HHLA2: variants seen among roughly 807,000 people sequenced by gnomAD.
HHLA2 encodes HHLA2 member of B7 family.
In HHLA2, 48 loss-of-function variants were observed where a neutral mutation model predicts 45.9. The ratio of observed to expected loss-of-function variants is 1.05; its 90% CI spans 0.83 to 1.33. The LOEUF (loss-of-function observed/expected upper bound fraction) is 1.33. HHLA2 is among the 40% of genes most tolerant of loss of function. The pLI is 0.00. For synonymous variants in HHLA2, 161 were observed against 173.9 expected, an observed-to-expected ratio of 0.93 and a Z score of 0.59; for missense variants, 462 against 494.3, an observed-to-expected ratio of 0.93 and a Z score of 0.62.
chr3:108,365,585 G>A (rs1242318091), intron 8 of HHLA2, among the ~76,000 whole-genome samples: 1 of 152,134 alleles, frequency 6.6e-6, no homozygotes, highest in Non-Finnish European at 1.5e-5. Flanking sequence ...ATTACTTTGG[G>A]CAGTATGGCC....
chr3:108,330,867 G>T (rs1331575829), intron 3 of HHLA2, among the ~76,000 whole-genome samples: 1 of 152,112 alleles, frequency 6.6e-6, no homozygotes, highest in Non-Finnish European at 1.5e-5. Context: ...TAAACTTAGG[G>T]CATTTCGTTA....
intron 8 of HHLA2, among the ~76,000 whole-genome samples, chr3:108,363,191 T>C (rs925471194): frequency 6.6e-6 from 1 of 152,214 alleles, no homozygotes; most frequent in Non-Finnish European, 1.5e-5. Context: ...AATTTTGAGC[T>C]AGAGAGCATC....
chr3:108,316,766 G>T (rs531318362), intron 2 of HHLA2, among the ~76,000 whole-genome samples: 3 of 152,166 alleles, frequency 2.0e-5, no homozygotes, highest in Admixed American at 1.3e-4. Context: ...TTACTAAATC[G>T]CACGCTTTAG....
chr3:108,330,124 G>A (rs1163566474), intron 3 of HHLA2, among the ~76,000 whole-genome samples: 1 of 152,156 alleles, frequency 6.6e-6, no homozygotes, highest in African/African-American at 2.4e-5. Flanking sequence ...AAGAGTGAGT[G>A]ATCAGAGAGT....
At chr3:108,351,721 C>A in intron 3 of HHLA2, 67 bp from the exon 3 acceptor site, 2 of 898,652 alleles carry the variant, frequency 2.2e-6, no homozygotes, top group Non-Finnish European at 3.6e-6. Context: ...TATGAATGTA[C>A]CACTCTTTTC....
At chr3:108,316,561 G>C (rs1178946198) in intron 2 of HHLA2, among the ~76,000 whole-genome samples, 3 of 152,128 alleles carry the variant, frequency 2.0e-5, no homozygotes, top group Non-Finnish European at 4.4e-5. Context: ...GGGGTAGGCT[G>C]GAGAACCTGC....
intron 10 of HHLA2, 108 bp downstream of exon 9, chr3:108,376,665 C>G (rs1364392457): frequency 2.3e-6 from 2 of 882,144 alleles, no homozygotes; most frequent in African/African-American, 3.4e-5. Flanking sequence ...GACTTTTATA[C>G]AGAAAAAAAC....
intron 2 of HHLA2, among the ~76,000 whole-genome samples, chr3:108,324,227 T>C (rs1249043095): frequency 6.6e-6 from 1 of 152,208 alleles, no homozygotes; most frequent in Non-Finnish European, 1.5e-5. Context: ...GGCAGTGGAC[T>C]ACATTAAATT....
At chr3:108,310,209 A>C (rs1403003905) in intron 1 of HHLA2, among the ~76,000 whole-genome samples, 1 of 152,134 alleles carries the variant, frequency 6.6e-6, no homozygotes, top group Non-Finnish European at 1.5e-5. Flanking sequence ...TCCAGAGAGA[A>C]ATTAGGCTAA....
chr3:108,368,535 C>CAAAAAAAAAAAAAAAAAAA lies in HHLA2; in HGVS notation c.1108+6106_1108+6124dup, dbSNP rs55718572. ...GAATATTTACCAAGCAAACGAAGAG[C>CAAAAAAAAAAAAAAAAAAA]AAAAAAAAAAAAAAAAAAAAAAAAA... On this transcript the variant is annotated intron_variant, in intron 8 of 10. Coordinates refer to ENST00000619531, the Ensembl canonical transcript of HHLA2. 7.6e-4 allele frequency among the ~76,000 whole-genome samples: 5 copies of CAAAAAAAAAAAAAAAAAAA among 6,622 alleles called. 2 individuals are homozygous for CAAAAAAAAAAAAAAAAAAA. Among genetic ancestry groups the CAAAAAAAAAAAAAAAAAAA allele is most frequent in the African/African-American group, 2.6e-3 (4 of 1,544 alleles). The allele number at this position is 6,622 out of a possible 152,430, so 4.3% of individuals were successfully genotyped here.
chr3:108,354,661 T>A (rs2081851310), intron 5 of HHLA2, among the ~76,000 whole-genome samples: 1 of 152,148 alleles, frequency 6.6e-6, no homozygotes, highest in South Asian at 2.1e-4. Flanking sequence ...TTCCCAGCAC[T>A]TGTTTCTTTT....
intron 3 of HHLA2, among the ~76,000 whole-genome samples, chr3:108,331,259 T>G (rs2107380898): frequency 6.6e-6 from 1 of 152,330 alleles, no homozygotes; most frequent in South Asian, 2.1e-4. Context: ...TATGGGGATT[T>G]GTATTTTTAT....
intron 1 of HHLA2, among the ~76,000 whole-genome samples, chr3:108,297,274 G>A (rs1053550486): frequency 6.6e-6 from 1 of 152,096 alleles, no homozygotes; most frequent in Non-Finnish European, 1.5e-5. Context: ...TGTGTTACTG[G>A]TACCTGACAA....
intron 3 of HHLA2, among the ~76,000 whole-genome samples, chr3:108,346,655 T>C (rs1014105639): frequency 5.3e-5 from 8 of 152,210 alleles, no homozygotes; most frequent in African/African-American, 1.9e-4. Context: ...ACTAGTCTTT[T>C]AAAAAATATA....
Position 108,357,836 on chromosome 3 carries a change from G to T in HHLA2, c.686-8G>T. 1.9e-6 allele frequency: 3 copies of T among 1,590,030 alleles called. No homozygotes were observed. Among genetic ancestry groups the T allele is most frequent in the East Asian group, 4.5e-5 (2 of 44,606 alleles). ...TCATTGATGTTTTCTTTTCTATTGT[G>T]TTGTTAGATGGCCTTCATAAAATGC... is the stretch of plus-strand genomic sequence containing the variant. On this transcript the variant is annotated splice_polypyrimidine_tract_variant and splice_region_variant and intron_variant, in intron 6 of 10. Coordinates refer to ENST00000619531, the Ensembl canonical transcript of HHLA2.
intron 2 of HHLA2, chr3:108,325,924 T>C: frequency 2.5e-6 from 1 of 392,616 alleles, no homozygotes; most frequent in South Asian, 2.3e-5. Context: ...AGGCTTTCCT[T>C]ATTTCATGAT....
At chr3:108,349,647 G>T (rs1428020073) in intron 3 of HHLA2, among the ~76,000 whole-genome samples, 4 of 152,180 alleles carry the variant, frequency 2.6e-5, no homozygotes, top group Non-Finnish European at 5.9e-5. Context: ...CATTTTATGG[G>T]ACAAATTTCT....
chr3:108,324,580 C>T (rs2081257311), intron 2 of HHLA2, among the ~76,000 whole-genome samples: 1 of 152,198 alleles, frequency 6.6e-6, no homozygotes, highest in South Asian at 2.1e-4. Context: ...CCTTCTCTGT[C>T]TCTGTCAAAG....
chr3:108,346,527 A>G (rs2081663288), intron 3 of HHLA2, among the ~76,000 whole-genome samples: 1 of 152,230 alleles, frequency 6.6e-6, no homozygotes, highest in African/African-American at 2.4e-5. Flanking sequence ...GGAGTGCAGA[A>G]CATTCATGAA....
Sources: gnomAD v4.1 joint callset for allele counts (sites outside exome capture counted in the v4.1 genomes callset) on GRCh38, gnomAD v4.1.1 for gene constraint, MANE v1.5 for transcripts, NCBI Gene and HGNC (gene_info 2026-07-23, HGNC 2026-07-21) for gene names.